Variants in AGBL1 observed in about 807,000 individuals in gnomAD.
AGBL1 encodes the protein AGBL carboxypeptidase 1, also known as cytosolic carboxypeptidase 4.
In AGBL1, 130 loss-of-function variants were observed where a neutral mutation model predicts 118.9. The ratio of observed to expected loss-of-function variants is 1.09; its 90% CI spans 0.95 to 1.26. The LOEUF is 1.26. AGBL1 is among the 50% of genes most tolerant of loss of function. The probability of loss-of-function intolerance (pLI) is 0.00; values close to 1 mark genes in which losing one functional copy is unlikely to be tolerated. For synonymous variants in AGBL1, 555 were observed against 478.9 expected, an observed-to-expected ratio of 1.16 and a Z score of -2.08; for missense variants, 1,584 against 1,298.1, an observed-to-expected ratio of 1.22 and a Z score of -3.38.
chr15:86,617,549 G>A (rs760798885), intron 21 of AGBL1, among the ~76,000 whole-genome samples: 1 of 152,152 alleles, frequency 6.6e-6, no homozygotes, highest in Non-Finnish European at 1.5e-5. Context: ...GGAGCTACAA[G>A]TGGTATTGTC....
At chr15:86,642,934 C>G (rs1041492700) in intron 21 of AGBL1, among the ~76,000 whole-genome samples, 13 of 152,096 alleles carry the variant, frequency 8.5e-5, no homozygotes, top group African/African-American at 3.1e-4. Context: ...TGTTTATGCA[C>G]TAATATACCA....
chr15:86,267,307 CTACACTGATATCAT>C (rs1382391790), intron 13 of AGBL1, among the ~76,000 whole-genome samples: 1 of 42,848 alleles, frequency 2.3e-5, no homozygotes, highest in African/African-American at 1.4e-4. Context: ...GATATCATAG[CTACACTGATATCAT>C]AGCTAAGTGA....
intron 17 of AGBL1, among the ~76,000 whole-genome samples, chr15:86,375,107 C>G (rs551026558): frequency 6.6e-6 from 1 of 152,216 alleles, no homozygotes. Context: ...AGACCCAAGG[C>G]AGCCTATCTG....
Position 86,295,296 on chromosome 15 carries a change from G to A in AGBL1, c.2262G>A (p.Glu754=), listed in dbSNP as rs759751808. 6.2e-7 allele frequency: 1 copy of A among 1,613,660 alleles called. No homozygotes were observed. Among genetic ancestry groups the A allele is most frequent in the African/African-American group, 1.3e-5 (1 of 74,992 alleles). The part of the protein sequence containing the change: ...DILEKSVNLK[E]VYFRQDVLCQ... The stretch of plus-strand genomic sequence containing the variant: ...TGGAAAAGAGTGTCAACCTCAAAGA[G>A]GTCTACTTCCGGCAAGATGTTCTCT... The change falls in exon 17 of 23, where the codon GAG becomes GAA. Residue 754 remains glutamate, a synonymous_variant. Transcript: ENST00000614907.
intron 24 of AGBL1, among the ~76,000 whole-genome samples, chr15:86,996,436 C>T (rs770200416): frequency 1.3e-5 from 2 of 152,130 alleles, no homozygotes; most frequent in Non-Finnish European, 2.9e-5. Flanking sequence ...TTGTGCACTG[C>T]TTCTTTAATC....
downstream of AGBL1, among the ~76,000 whole-genome samples, chr15:86,917,408 C>A (rs2080437427): frequency 6.6e-6 from 1 of 152,178 alleles, no homozygotes; most frequent in South Asian, 2.1e-4. The surrounding 1 kb of genome is among the most constrained non-coding windows in gnomAD (Gnocchi z 4.8). Flanking sequence ...ATCAAAATGA[C>A]TTTCAAATCT....
At chr15:86,625,007 G>T (rs1000741318) in intron 21 of AGBL1, among the ~76,000 whole-genome samples, 17 of 152,160 alleles carry the variant, frequency 1.1e-4, no homozygotes. Flanking sequence ...GGCAGTGCCC[G>T]TGAGTGAGAT....
chr15:86,654,209 T>C (rs1038348660), intron 21 of AGBL1, among the ~76,000 whole-genome samples: 3 of 152,132 alleles, frequency 2.0e-5, no homozygotes, highest in African/African-American at 7.2e-5. Context: ...GGGGAGTCTT[T>C]GGTCATCTGG....
At position 86,588,405 on chromosome 15, in the gene AGBL1, C is replaced by A. The variant is rs145894283; in HGVS notation, c.2994+33868C>A. ...TCCTAAACAACGAGATATGCCTCCC[C>A]ACTCCTGCCCCTACCAGAAGAAAAC... On this transcript the variant is annotated intron_variant, in intron 21 of 22. Coordinates refer to ENST00000614907, the MANE Select transcript of AGBL1 (RefSeq NM_001386094.1). 9.2e-5 allele frequency among the ~76,000 whole-genome samples: 14 copies of A among 152,316 alleles called. No homozygotes were observed. In the East Asian group the frequency reaches 1.9e-3, roughly 21 times the overall value.
At chr15:86,557,422 C>T (rs1406492113) in intron 21 of AGBL1, among the ~76,000 whole-genome samples, 1 of 152,124 alleles carries the variant, frequency 6.6e-6, no homozygotes, top group Admixed American at 6.5e-5. Flanking sequence ...GATGTGAGTC[C>T]CTTTACCCAA....
At chr15:86,366,116 GGTTTAATCTGTGGTTGTCACCA>G (rs2080883739) in intron 17 of AGBL1, among the ~76,000 whole-genome samples, 1 of 151,886 alleles carries the variant, frequency 6.6e-6, no homozygotes, top group East Asian at 1.9e-4. Flanking sequence ...GTTTTTTTCT[GGTTTAATCTGTGGTTGTCACCA>G]AGAAATTTAT....
chr15:86,862,812 G>A (rs1451114525), intron 22 of AGBL1, among the ~76,000 whole-genome samples: 5 of 152,204 alleles, frequency 3.3e-5, no homozygotes, highest in Admixed American at 2.0e-4. Context: ...TGGTTGTGCT[G>A]AGGATATACA....
intron 22 of AGBL1, among the ~76,000 whole-genome samples, chr15:86,871,567 T>G (rs2079728807): frequency 6.6e-6 from 1 of 152,158 alleles, no homozygotes; most frequent in South Asian, 2.1e-4. Flanking sequence ...CTTTTCTCCT[T>G]CCTCACTCTG....
At chr15:86,874,828 C>T (rs1239093645) in intron 22 of AGBL1, among the ~76,000 whole-genome samples, 1 of 152,098 alleles carries the variant, frequency 6.6e-6, no homozygotes, top group Non-Finnish European at 1.5e-5. Flanking sequence ...ACTTTCTATT[C>T]CTTTAATCCT....
intron 5 of AGBL1, among the ~76,000 whole-genome samples, chr15:86,204,715 G>A (rs553741782): frequency 6.2e-4 from 95 of 152,084 alleles, no homozygotes; most frequent in African/African-American, 2.2e-3. Context: ...TCAGCCTCCC[G>A]AGTAGCTGGG....
chr15:86,898,634 A>G (rs1333316292), intron 22 of AGBL1, among the ~76,000 whole-genome samples: 1 of 152,206 alleles, frequency 6.6e-6, no homozygotes, highest in African/African-American at 2.4e-5. Context: ...GAGAGAAAAT[A>G]TTTGCAAACT....
intron 24 of AGBL1, among the ~76,000 whole-genome samples, chr15:87,012,728 G>A (rs976082524): frequency 6.6e-6 from 1 of 151,814 alleles, no homozygotes; most frequent in Admixed American, 6.6e-5. Context: ...TTGGCATTTG[G>A]AGCAGTACAG....
chr15:86,538,640 A>G (rs150646694), intron 19 of AGBL1, among the ~76,000 whole-genome samples: 9 of 152,312 alleles, frequency 5.9e-5, no homozygotes, highest in Non-Finnish European at 1.2e-4. Flanking sequence ...ATATTCTCAA[A>G]TATATCTCCT....
intron 11 of AGBL1, among the ~76,000 whole-genome samples, chr15:86,265,634 C>T (rs2079059467): frequency 1.3e-5 from 2 of 152,222 alleles, no homozygotes; most frequent in South Asian, 4.1e-4. Flanking sequence ...TCCTGGCTGA[C>T]ATATCCAACC....
Sources: allele counts gnomAD v4.1 joint callset (sites outside exome capture counted in the v4.1 genomes callset), GRCh38; gene constraint gnomAD v4.1.1; non-coding constraint Gnocchi (gnomAD v3.1); transcripts MANE v1.5; gene names NCBI Gene and HGNC (gene_info 2026-07-23, HGNC 2026-07-21).